Variants in IQCH observed in about 807,000 individuals in gnomAD.
IQCH encodes IQ domain-containing protein H.
IQCH carries 98 observed loss-of-function variants against 117.0 expected under a neutral mutation model. That is an observed-to-expected ratio of 0.84 (90% CI 0.71 to 0.99). The LOEUF is 0.99. Ranked by LOEUF, IQCH falls within the 50% of genes least tolerant of loss-of-function variation. The pLI, the probability that IQCH is intolerant of heterozygous loss-of-function variation, is 0.00. For synonymous variants in IQCH, 412 were observed against 448.2 expected, an observed-to-expected ratio of 0.92 and a Z score of 1.02; for missense variants, 1,102 against 1,243.8, an observed-to-expected ratio of 0.89 and a Z score of 1.72.
chr15:67,418,550 CACAA>C (rs1316784452), intron 15 of IQCH, among the ~76,000 whole-genome samples: 2 of 149,820 alleles, frequency 1.3e-5, no homozygotes, highest in African/African-American at 4.9e-5. Flanking sequence ...CACACACACA[CACAA>C]GATCAATAAT....
In IQCH at chr15:67,427,222, T is replaced by C. The variant is rs986902750; in HGVS notation, c.2505+5645T>C. Among the ~76,000 whole-genome samples the C allele has an allele frequency of 6.6e-6, 1 of 152,176 alleles. No homozygotes were observed. The highest frequency in any genetic ancestry group is 1.9e-4 in the East Asian group (1 of 5,198). On this transcript the variant is annotated intron_variant, in intron 16 of 20. Transcript: ENST00000335894. This position sits in a 1 kb window ranked among gnomAD's most constrained non-coding sequence, Gnocchi z 4.7. Reference sequence around the variant, plus strand: ...TTACTTATTTGTTTAATGTAACTAATCTCCCAACCACTCCTGCCATCTTCT... The same window carrying C: ...TTACTTATTTGTTTAATGTAACTAACCTCCCAACCACTCCTGCCATCTTCT...
At position 67,463,018 on chromosome 15, in the gene IQCH, T is replaced by C. The variant is rs1237143284; in HGVS notation, c.2506-2109T>C. 6.6e-6 allele frequency among the ~76,000 whole-genome samples: 1 copy of C among 152,232 alleles called. No individual in the cohort carries two copies. The highest frequency in any genetic ancestry group is 1.5e-5 in the Non-Finnish European group (1 of 68,040). Reference sequence around the variant, plus strand: ...ACTGTGCGAATATGACTCCTGAAATTAGCTTTAGTTTAGCAAGGGGCCTTG... The same window carrying C: ...ACTGTGCGAATATGACTCCTGAAATCAGCTTTAGTTTAGCAAGGGGCCTTG... On this transcript the variant is annotated intron_variant, in intron 16 of 20. Transcript: ENST00000335894. This position sits in a 1 kb window ranked among gnomAD's most constrained non-coding sequence, Gnocchi z 4.0.
intron 14 of IQCH, among the ~76,000 whole-genome samples, chr15:67,410,640 T>C (rs774006224): frequency 2.0e-5 from 3 of 152,336 alleles, no homozygotes; most frequent in Non-Finnish European, 4.4e-5. Flanking sequence ...GGGCCAATCC[T>C]TGCAGCTGAG....
At chr15:67,419,710 C>T (rs183191480) in intron 15 of IQCH, among the ~76,000 whole-genome samples, 30 of 152,224 alleles carry the variant, frequency 2.0e-4, no homozygotes, top group African/African-American at 7.0e-4. Context: ...CACACCCCCA[C>T]GCCCAGCTAA....
At chr15:67,328,420 CATA>C (rs1968510467) in intron 4 of IQCH, among the ~76,000 whole-genome samples, 1 of 152,154 alleles carries the variant, frequency 6.6e-6, no homozygotes, top group African/African-American at 2.4e-5. Flanking sequence ...TTTTGAATTG[CATA>C]ATGCCTTCAG....
At chr15:67,402,222 CTA>C (rs1280355149) in intron 14 of IQCH, among the ~76,000 whole-genome samples, 2 of 152,138 alleles carry the variant, frequency 1.3e-5, no homozygotes, top group African/African-American at 4.8e-5. Context: ...AATAATCTAA[CTA>C]AATCATTTTT....
Position 67,372,141 on chromosome 15 carries a change from C to A in IQCH, c.784C>A (p.Leu262Met). The change falls in exon 9 of 21, where the codon CTG becomes ATG. Residue 262 changes from leucine to methionine, a missense_variant. By Grantham distance (15) the Leu-to-Met change is conservative. Around this residue, in one of 2 missense-constraint regions of IQCH, gnomAD observed 452 missense variants for 449.6 expected, o/e 1.01. Coordinates refer to ENST00000335894, the MANE Select transcript of IQCH (RefSeq NM_001031715.3). ...GAAAGTCAAAACACCTTTGAGAGCCCTGAAATCACTGTGGGATTATGACTT... is the reference window on the plus strand; with the variant it reads ...GAAAGTCAAAACACCTTTGAGAGCCATGAAATCACTGTGGGATTATGACTT... ...AMKVKTPLRA[L>M]KSLWDYDFLI... The A allele has an allele frequency of 6.2e-7, 1 of 1,611,418 alleles. No individual in the cohort carries two copies. Among genetic ancestry groups the A allele is most frequent in the South Asian group, 1.1e-5 (1 of 90,372 alleles).
In IQCH at chr15:67,332,131, G is replaced by A. The variant is rs569022268; in HGVS notation, c.388-4844G>A. 5.3e-5 allele frequency among the ~76,000 whole-genome samples: 8 copies of A among 152,262 alleles called. No homozygotes were observed. The East Asian group carries it at 1.3e-3, about 26-fold the overall frequency. On this transcript the variant is annotated intron_variant, in intron 4 of 20. Transcript: ENST00000335894. ...AGAAAATGAAAGAGAAAGGGTATTC[G>A]ATAATATAATGTAAGAAAATTTTCT... is the stretch of plus-strand genomic sequence containing the variant.
rs146638045 is a variant in IQCH at position 67,262,384 on chromosome 15, C to T, written c.175-738C>T. On this transcript the variant is annotated intron_variant, in intron 2 of 20. Transcript: ENST00000335894. Reference sequence around the variant, plus strand: ...ATTTTCAGTGTCTCTGCTCTTGATTCAGACTTTTAATCTACTATGTTATCT... The same window carrying T: ...ATTTTCAGTGTCTCTGCTCTTGATTTAGACTTTTAATCTACTATGTTATCT... Among the ~76,000 whole-genome samples, 97 of 152,294 alleles carry T rather than the reference C, an allele frequency of 6.4e-4. 1 individual carries two copies. The highest frequency in any genetic ancestry group is 4.3e-3 in the Admixed American group (66 of 15,298).
chr15:67,481,851 T>A lies in IQCH; in HGVS notation c.2799+6033T>A, dbSNP rs2083346756. On this transcript the variant is annotated intron_variant, in intron 18 of 20. Transcript: ENST00000335894. The surrounding 1 kb of genome is among the most constrained non-coding windows in gnomAD (Gnocchi z 4.1). ...ACATCAAGAGAAATCTCAGTCTGGA[T>A]TAAAAGAGACTGTTGCTGCTTAAGA... Among the ~76,000 whole-genome samples, 2 of 152,226 alleles carry A rather than the reference T, an allele frequency of 1.3e-5. No homozygotes were observed. Among genetic ancestry groups the A allele is most frequent in the South Asian group, 4.1e-4 (2 of 4,834 alleles).
At chr15:67,349,610 A>AG (rs1969561333) in intron 6 of IQCH, among the ~76,000 whole-genome samples, 1 of 151,178 alleles carries the variant, frequency 6.6e-6, no homozygotes, top group African/African-American at 2.4e-5. Context: ...CCATCTCAAA[A>AG]AAAAAAAAAA....
intron 4 of IQCH, chr15:67,304,521 G>A (rs1445425752): frequency 1.3e-5 from 10 of 782,964 alleles, no homozygotes; most frequent in East Asian, 1.1e-4. Flanking sequence ...TATTAGTAGT[G>A]TAAGATGTAA....
chr15:67,360,077 C>A (rs1970070949), intron 8 of IQCH, 192 bp downstream of exon 8: 2 of 537,022 alleles, frequency 3.7e-6, no homozygotes, highest in African/African-American at 3.9e-5. Context: ...AAAGTGAAAA[C>A]CCTTTTTTGC....
intron 19 of IQCH, among the ~76,000 whole-genome samples, chr15:67,492,566 G>A (rs554093316): frequency 1.3e-5 from 2 of 152,190 alleles, no homozygotes; most frequent in African/African-American, 2.4e-5. Context: ...GAGCTAGGTC[G>A]TGGGGAGCTT....
chr15:67,301,006 A>G (rs933208012), intron 4 of IQCH, among the ~76,000 whole-genome samples: 45 of 152,176 alleles, frequency 3.0e-4, no homozygotes, highest in African/African-American at 1.1e-3. Flanking sequence ...CCAGAGTCTA[A>G]ATGAGAGTCA....
At chr15:67,368,197 T>C (rs1214744484) in intron 8 of IQCH, among the ~76,000 whole-genome samples, 1 of 152,194 alleles carries the variant, frequency 6.6e-6, no homozygotes, top group Non-Finnish European at 1.5e-5. Context: ...CCAAGGCTAA[T>C]TTCTCTGGGC....
At chr15:67,398,872 T>C (rs1323526433) in intron 13 of IQCH, among the ~76,000 whole-genome samples, 2 of 152,176 alleles carry the variant, frequency 1.3e-5, no homozygotes, top group Non-Finnish European at 2.9e-5. Context: ...TTTTGTTGCT[T>C]TCTGGGAAGT....
chr15:67,348,541 T>G (rs1969512408), intron 6 of IQCH, among the ~76,000 whole-genome samples: 1 of 152,196 alleles, frequency 6.6e-6, no homozygotes, highest in Admixed American at 6.5e-5. Context: ...TATTAAATAC[T>G]TAGGTATAAA....
Position 67,466,611 on chromosome 15 carries a change from T to TG in IQCH, c.2676+1320dup. 1 of 152,454 alleles carries TG rather than the reference T, an allele frequency of 6.6e-6. No homozygotes were observed. Among genetic ancestry groups the TG allele is most frequent in the Non-Finnish European group, 1.5e-5 (1 of 68,180 alleles). 9.4% of individuals were successfully genotyped at this position (152,454 alleles called of 1,614,324 possible). ...ACCATAAGGAGGGCACCTGATGTCTTGGGGGGCTCAGGCAGCTTTTTCCTT... is the reference window on the plus strand; with the variant it reads ...ACCATAAGGAGGGCACCTGATGTCTTGGGGGGGCTCAGGCAGCTTTTTCCTT... On this transcript the variant is annotated intron_variant, in intron 17 of 20. Coordinates refer to ENST00000335894, the MANE Select transcript of IQCH (RefSeq NM_001031715.3). This position sits in a 1 kb window ranked among gnomAD's most constrained non-coding sequence, Gnocchi z 4.4.
Sources: allele counts gnomAD v4.1 joint callset (sites outside exome capture counted in the v4.1 genomes callset), GRCh38; gene constraint gnomAD v4.1.1; regional missense constraint gnomAD v4.1.1; non-coding constraint Gnocchi (gnomAD v3.1); transcripts MANE v1.5; gene names NCBI Gene and HGNC (gene_info 2026-07-23, HGNC 2026-07-21).